SH2D1A: variants seen among roughly 807,000 people sequenced by gnomAD.
SH2D1A encodes SH2 domain containing 1A.
SH2D1A carries 6 observed loss-of-function variants against 10.1 expected under a neutral mutation model. The observed-to-expected ratio is 0.60, with a 90% CI of 0.33 to 1.18. SH2D1A has a LOEUF of 1.18. Among genes scored for constraint, SH2D1A ranks in the 50% most tolerant of loss-of-function variants. The probability of loss-of-function intolerance (pLI) is 0.04; values close to 1 mark genes in which losing one functional copy is unlikely to be tolerated. For missense variants in SH2D1A, 51 were observed against 97.6 expected (o/e 0.52, Z 2.01); for synonymous variants, 42 against 36.9 (o/e 1.14, Z -0.51).
chrX:124,354,675 A>G (rs1280827979), intron 1 of SH2D1A, among the ~76,000 whole-genome samples: 2 of 111,950 alleles, frequency 1.8e-5, no homozygotes, highest in East Asian at 5.6e-4. Flanking sequence ...GGTTGTTATG[A>G]TGATTATGAC....
intron 1 of SH2D1A, among the ~76,000 whole-genome samples, chrX:124,349,600 T>A (rs1173006282): frequency 9.0e-6 from 1 of 111,246 alleles, no homozygotes; most frequent in Non-Finnish European, 1.9e-5. Flanking sequence ...TGAGCTATAG[T>A]TTTTATATTT....
intron 1 of SH2D1A, among the ~76,000 whole-genome samples, chrX:124,350,493 CT>C (rs1569527212): frequency 2.1e-4 from 7 of 33,713 alleles, no homozygotes; most frequent in African/African-American, 6.1e-4. Context: ...ATATTATATA[CT>C]ATATATAATA....
intron 1 of SH2D1A, among the ~76,000 whole-genome samples, chrX:124,351,103 A>T (rs1172381361): frequency 1.1e-5 from 1 of 94,581 alleles, no homozygotes; most frequent in South Asian, 4.2e-4. Flanking sequence ...ATTTATATAT[A>T]TTTATATATA....
chrX:124,348,618 TC>T (rs1269088213), intron 1 of SH2D1A, among the ~76,000 whole-genome samples: 1 of 111,654 alleles, frequency 9.0e-6, no homozygotes, highest in Admixed American at 9.6e-5. Context: ...CCTCTCCCTG[TC>T]CCTGATACAC....
chrX:124,347,032 C>T (rs928154557), intron 1 of SH2D1A, among the ~76,000 whole-genome samples: 1 of 109,942 alleles, frequency 9.1e-6, no homozygotes, highest in Non-Finnish European at 1.9e-5. Context: ...TTTGGGGCAG[C>T]TGCAGAGAAT....
In SH2D1A at chrX:124,346,688, G is replaced by A. The variant is rs2147519416; in HGVS notation, c.46G>A (p.Gly16Ser). The change falls in exon 1 of 4, where the codon GGC becomes AGC. Residue 16 changes from glycine to serine, a missense_variant. Transcript: ENST00000371139. ...TCATGGCAAAATCAGCAGGGAAACCGGCGAGAAGCTCCTGCTTGCCACTGG... is the reference window on the plus strand; with the variant it reads ...TCATGGCAAAATCAGCAGGGAAACCAGCGAGAAGCTCCTGCTTGCCACTGG... The part of the protein sequence containing the change: ...VYHGKISRET[G>S]EKLLLATGLD... 1 of 1,211,572 alleles carries A rather than the reference G, an allele frequency of 8.3e-7. No homozygotes were observed. The highest frequency in any genetic ancestry group is 1.8e-5 in the South Asian group (1 of 56,997).
Position 124,372,177 on chromosome X carries a change from A to T in SH2D1A, c.*786A>T, listed in dbSNP as rs763087327. 1.8e-5 allele frequency: 3 copies of T among 163,945 alleles called. No homozygotes were observed. In the East Asian group the frequency reaches 2.7e-4, roughly 15 times the overall value. The allele number at this position is 163,945 out of a possible 1,213,427, so 13.5% of individuals were successfully genotyped here. A position where few individuals can be genotyped will look rare whatever the true frequency, so the allele number is the denominator to read the frequency against. ...GAAATTTCAGCAGCTGCAGCTCATG[A>T]GTAACTGATTTGTAACAAGCCTCCT... On this transcript the variant is annotated 3_prime_UTR_variant, in exon 4 of 4. Coordinates refer to ENST00000371139, the MANE Select transcript of SH2D1A (RefSeq NM_002351.5).
chrX:124,369,917 G>A (rs1378629450), intron 2 of SH2D1A, among the ~76,000 whole-genome samples: 1 of 111,420 alleles, frequency 9.0e-6, no homozygotes, highest in Non-Finnish European at 1.9e-5. Flanking sequence ...GGAAGGGCAG[G>A]GCAATGAGCA....
At chrX:124,369,531 G>C (rs761723155) in intron 2 of SH2D1A, among the ~76,000 whole-genome samples, 1 of 112,080 alleles carries the variant, frequency 8.9e-6, no homozygotes, top group African/African-American at 3.2e-5. Context: ...GTGACGTGCT[G>C]ATGGAGAGAA....
intron 1 of SH2D1A, among the ~76,000 whole-genome samples, chrX:124,352,468 T>TA (rs930382284): frequency 9.0e-6 from 1 of 111,377 alleles, no homozygotes; most frequent in Admixed American, 9.6e-5. Context: ...TTTATTAAGT[T>TA]AAAAAAAATT....
At position 124,373,074 on chromosome X, in the gene SH2D1A, C is replaced by T. The variant is rs1032592757; in HGVS notation, c.*1683C>T. ...TGAATTATGTTTGCATGTTCACTTC[C>T]AAGAGCCTTTTTTTGAAAAAAAGCT... On this transcript the variant is annotated 3_prime_UTR_variant, in exon 4 of 4. Coordinates refer to ENST00000371139, the MANE Select transcript of SH2D1A (RefSeq NM_002351.5). 6.5e-6 allele frequency: 1 copy of T among 153,732 alleles called. No homozygotes were observed. Among genetic ancestry groups the T allele is most frequent in the Non-Finnish European group, 1.3e-5 (1 of 78,764 alleles). 12.7% of individuals were successfully genotyped at this position (153,732 alleles called of 1,213,427 possible). A position where few individuals can be genotyped will look rare whatever the true frequency, so the allele number is the denominator to read the frequency against.
intron 1 of SH2D1A, among the ~76,000 whole-genome samples, chrX:124,348,334 G>A (rs1248166495): frequency 9.0e-6 from 1 of 111,170 alleles, no homozygotes; most frequent in Non-Finnish European, 1.9e-5. Flanking sequence ...AGCTGACAAA[G>A]GAGATAACAT....
At chrX:124,366,877 ACAC>A in intron 2 of SH2D1A, among the ~76,000 whole-genome samples, 1 of 22,885 alleles carries the variant, frequency 4.4e-5, no homozygotes, top group Middle Eastern at 0.014. Context: ...ATACTGACAA[ACAC>A]ACACACACAC....
At chrX:124,349,594 C>G (rs2060002552) in intron 1 of SH2D1A, among the ~76,000 whole-genome samples, 6 of 111,120 alleles carry the variant, frequency 5.4e-5, no homozygotes. Context: ...TTTAATTGAG[C>G]TATAGTTTTT....
intron 2 of SH2D1A, among the ~76,000 whole-genome samples, chrX:124,367,998 A>G (rs1006247531): frequency 5.4e-5 from 6 of 111,936 alleles, no homozygotes; most frequent in Non-Finnish European, 1.1e-4. Flanking sequence ...TAATCTAAGT[A>G]AAACACTGTA....
intron 1 of SH2D1A, among the ~76,000 whole-genome samples, chrX:124,351,458 G>C (rs1243625476): frequency 9.1e-6 from 1 of 110,191 alleles, no homozygotes; most frequent in Non-Finnish European, 1.9e-5. Context: ...AACATAAACA[G>C]CTTAGGATTC....
chrX:124,346,760 G>A lies in SH2D1A; in HGVS notation c.118G>A (p.Val40Met), dbSNP rs199639961. 2.0e-4 allele frequency: 243 copies of A among 1,210,119 alleles called. No homozygotes were observed. Among genetic ancestry groups the A allele is most frequent in the Non-Finnish European group, 2.6e-4 (231 of 895,002 alleles). Residue 40 changes from valine (V) to methionine (M), a missense_variant, in exon 1 of 4, where the codon GTG becomes ATG. Physicochemically the swap from Val to Met is conservative, Grantham distance 21. Coordinates refer to ENST00000371139, the MANE Select transcript of SH2D1A (RefSeq NM_002351.5). ...GAGGGACAGCGAGAGCGTGCCAGGCGTGTACTGCCTATGTGTGCTGTGAGT... is the reference window on the plus strand; with the variant it reads ...GAGGGACAGCGAGAGCGTGCCAGGCATGTACTGCCTATGTGTGCTGTGAGT... ...LLRDSESVPGVYCLCVLYHGY... is the reference protein window; with the variant it reads ...LLRDSESVPGMYCLCVLYHGY...
rs546519769 is a variant in SH2D1A, at chrX:124,366,418, G to C, written c.201+594G>C. The stretch of plus-strand genomic sequence containing the variant: ...CCTAAGAATCCTCCCTTATGCACAA[G>C]GCTCAATTTGAAAAGTAAATAAGAT... On this transcript the variant is annotated intron_variant, in intron 2 of 3. Coordinates refer to ENST00000371139, the MANE Select transcript of SH2D1A (RefSeq NM_002351.5). 9.1e-5 allele frequency among the ~76,000 whole-genome samples: 10 copies of C among 110,138 alleles called. No individual in the cohort carries two copies. The South Asian group carries it at 3.6e-3, about 40-fold the overall frequency.
intron 1 of SH2D1A, chrX:124,364,540 C>T (rs907656010): frequency 3.2e-5 from 6 of 187,976 alleles, no homozygotes; most frequent in Admixed American, 1.4e-4. Context: ...AATCTCGCTC[C>T]GTCACCCAGG....
Sources: gnomAD v4.1 joint callset for allele counts (sites outside exome capture counted in the v4.1 genomes callset) on GRCh38, gnomAD v4.1.1 for gene constraint, MANE v1.5 for transcripts, NCBI Gene and HGNC (gene_info 2026-07-23, HGNC 2026-07-21) for gene names.